Variants in KSR2 observed in about 807,000 individuals in gnomAD.
KSR2 encodes kinase suppressor of ras 2.
A neutral mutation model predicts 107.8 loss-of-function variants in KSR2; 25 were observed. The ratio of observed to expected loss-of-function variants is 0.23; its 90% CI spans 0.17 to 0.32. The LOEUF (loss-of-function observed/expected upper bound fraction) is 0.32, where lower values mean the gene tolerates loss of function less well. Among genes scored for constraint, KSR2 ranks in the 10% least tolerant of loss-of-function variants. The pLI is 1.00. For synonymous variants in KSR2, 480 were observed against 507.0 expected (o/e 0.95, Z 0.71); for missense variants, 887 against 1,268.9 (o/e 0.70, Z 4.57).
chr12:117,735,723 T>C (rs564756846), intron 4 of KSR2, among the ~76,000 whole-genome samples: 2 of 152,252 alleles, frequency 1.3e-5, no homozygotes, highest in African/African-American at 2.4e-5. Flanking sequence ...ATCTATAAGA[T>C]AGTCACAGAA....
Position 117,779,988 on chromosome 12 carries a change from T to TG in KSR2, c.473-18465dup, listed in dbSNP as rs1376548374. ...TACACCAGGTACTTTGATCTGAAGA[T>TG]GCACAGTCTCTCCATCCACACAGAA... On this transcript the variant is annotated intron_variant, in intron 3 of 19. Coordinates refer to ENST00000339824, the MANE Select transcript of KSR2 (RefSeq NM_173598.6). Among the ~76,000 whole-genome samples, 27 of 152,174 alleles carry TG rather than the reference T, an allele frequency of 1.8e-4. 1 individual carries two copies. The highest frequency in any genetic ancestry group is 6.5e-4 in the African/African-American group (27 of 41,442).
At chr12:117,679,559 G>C (rs577424193) in intron 4 of KSR2, among the ~76,000 whole-genome samples, 2 of 152,318 alleles carry the variant, frequency 1.3e-5, no homozygotes, top group South Asian at 4.1e-4. Context: ...CATGAGGCAG[G>C]AGTCTGTTTG....
intron 5 of KSR2, among the ~76,000 whole-genome samples, chr12:117,590,127 A>C (rs1303764060): frequency 6.6e-6 from 1 of 152,250 alleles, no homozygotes; most frequent in African/African-American, 2.4e-5. Flanking sequence ...GAGACAAAAC[A>C]ATGGGCAATG....
At chr12:117,814,471 G>A (rs1891301762) in intron 3 of KSR2, among the ~76,000 whole-genome samples, 1 of 152,108 alleles carries the variant, frequency 6.6e-6, no homozygotes, top group Admixed American at 6.5e-5. Flanking sequence ...AGGATAAAAA[G>A]GGTGGGGGGC....
intron 14 of KSR2, among the ~76,000 whole-genome samples, chr12:117,501,077 A>G (rs1376917366): frequency 2.0e-5 from 3 of 152,222 alleles, no homozygotes; most frequent in African/African-American, 4.8e-5. Context: ...TGCATGACCC[A>G]TTAGCTAAGA....
intron 1 of KSR2, among the ~76,000 whole-genome samples, chr12:117,956,559 CTT>C (rs1896524759): frequency 6.6e-6 from 1 of 152,144 alleles, no homozygotes; most frequent in African/African-American, 2.4e-5. Context: ...CAGAGCAAGA[CTT>C]TGTCTCGCTA....
At chr12:117,682,360 C>T (rs535780715) in intron 4 of KSR2, among the ~76,000 whole-genome samples, 2 of 152,036 alleles carry the variant, frequency 1.3e-5, no homozygotes, top group Non-Finnish European at 2.9e-5. Context: ...AGCAAACCAC[C>T]ATGGCACACA....
intron 14 of KSR2, among the ~76,000 whole-genome samples, chr12:117,498,468 A>T (rs1399638842): frequency 6.6e-6 from 1 of 152,166 alleles, no homozygotes; most frequent in Admixed American, 6.5e-5. Context: ...ACACTGGCCC[A>T]GGGGAGGGGC....
At chr12:117,878,403 T>C (rs999092557) in intron 1 of KSR2, among the ~76,000 whole-genome samples, 2 of 152,082 alleles carry the variant, frequency 1.3e-5, no homozygotes, top group Non-Finnish European at 2.9e-5. Flanking sequence ...GCTTGCAGAG[T>C]GGGGACCCAC....
At chr12:117,881,994 T>C (rs1396909110) in intron 1 of KSR2, among the ~76,000 whole-genome samples, 2 of 152,158 alleles carry the variant, frequency 1.3e-5, no homozygotes, top group African/African-American at 4.8e-5. Flanking sequence ...CTGCGCATAT[T>C]TACAAAAGGA....
intron 1 of KSR2, among the ~76,000 whole-genome samples, chr12:117,940,961 C>T (rs1429701466): frequency 6.6e-6 from 1 of 151,928 alleles, no homozygotes; most frequent in Non-Finnish European, 1.5e-5. Flanking sequence ...TGGTGGTTAC[C>T]TGTAATTCAG....
intron 4 of KSR2, among the ~76,000 whole-genome samples, chr12:117,690,104 A>G (rs1831171766): frequency 6.6e-6 from 1 of 152,134 alleles, no homozygotes; most frequent in Admixed American, 6.5e-5. Flanking sequence ...ATTTACAAAA[A>G]CAGGCTGTGG....
At chr12:117,644,910 C>T (rs943039329) in intron 5 of KSR2, among the ~76,000 whole-genome samples, 3 of 152,146 alleles carry the variant, frequency 2.0e-5, no homozygotes, top group African/African-American at 7.2e-5. Context: ...CATCCCTATT[C>T]TGGTAATTAC....
At chr12:117,860,572 T>C in intron 1 of KSR2, 141 bp from the exon 2 acceptor site, 1 of 805,760 alleles carries the variant, frequency 1.2e-6, no homozygotes, top group East Asian at 2.7e-5. Flanking sequence ...TGAGATCCAG[T>C]TTGGCACCCA....
chr12:117,553,284 C>A (rs922427823), intron 9 of KSR2, among the ~76,000 whole-genome samples: 3 of 152,144 alleles, frequency 2.0e-5, no homozygotes, highest in Admixed American at 6.5e-5. Context: ...AAGGGACACA[C>A]AAGCTTTGTG....
intron 4 of KSR2, among the ~76,000 whole-genome samples, chr12:117,672,118 GC>G (rs1884934430): frequency 6.6e-6 from 1 of 152,126 alleles, no homozygotes; most frequent in Non-Finnish European, 1.5e-5. Context: ...ACTCTTTCCT[GC>G]CCATGGTCAG....
intron 5 of KSR2, among the ~76,000 whole-genome samples, chr12:117,605,497 G>A (rs1022253827): frequency 6.6e-6 from 1 of 152,106 alleles, no homozygotes; most frequent in African/African-American, 2.4e-5. Flanking sequence ...CATCACCTAG[G>A]TATTAAGCCT....
chr12:117,634,728 G>A (rs1436388340), intron 5 of KSR2, among the ~76,000 whole-genome samples: 1 of 152,202 alleles, frequency 6.6e-6, no homozygotes. Flanking sequence ...TGACTGGCCT[G>A]TCCTGAGAAA....
At chr12:117,781,936 T>TA (rs1271881918) in intron 3 of KSR2, among the ~76,000 whole-genome samples, 16 of 152,220 alleles carry the variant, frequency 1.1e-4, no homozygotes, top group Admixed American at 9.2e-4. Context: ...TTGAAACTGA[T>TA]AAAAAATCAT....
Sources: allele counts gnomAD v4.1 joint callset (sites outside exome capture counted in the v4.1 genomes callset), GRCh38; gene constraint gnomAD v4.1.1; transcripts MANE v1.5; gene names NCBI Gene and HGNC (gene_info 2026-07-23, HGNC 2026-07-21).